TMEM62: variants seen among roughly 807,000 people sequenced by gnomAD.
TMEM62 encodes the protein transmembrane protein 62.
In TMEM62, 41 loss-of-function variants were observed where a neutral mutation model predicts 70.4. The observed-to-expected ratio is 0.58, with a 90% CI of 0.45 to 0.76. The LOEUF (loss-of-function observed/expected upper bound fraction) is 0.76. Among genes scored for constraint, TMEM62 ranks in the 30% least tolerant of loss-of-function variants. TMEM62 has a pLI of 0.00. For synonymous variants in TMEM62, 268 were observed against 291.0 expected (o/e 0.92, Z 0.80); for missense variants, 688 against 788.5 (o/e 0.87, Z 1.53).
At chr15:43,158,818 T>G (rs2038333851) in intron 9 of TMEM62, among the ~76,000 whole-genome samples, 1 of 152,224 alleles carries the variant, frequency 6.6e-6, no homozygotes, top group South Asian at 2.1e-4. Flanking sequence ...CTTTAGTATC[T>G]GCCAAAGGTG....
chr15:43,161,649 G>C (rs1251110848), intron 10 of TMEM62, among the ~76,000 whole-genome samples: 1 of 151,792 alleles, frequency 6.6e-6, no homozygotes, highest in Non-Finnish European at 1.5e-5. Context: ...TATTTTGTTT[G>C]TTTGCTTGTT....
chr15:43,184,334 C>T lies in TMEM62; in HGVS notation c.1680C>T (p.Phe560=). The T allele has an allele frequency of 6.2e-7, 1 of 1,614,198 alleles. No individual in the cohort carries two copies. Among genetic ancestry groups the T allele is most frequent in the Non-Finnish European group, 8.5e-7 (1 of 1,180,036 alleles). Residue 560 remains phenylalanine, a synonymous_variant, in exon 14 of 14, where the codon TTC becomes TTT. Coordinates refer to ENST00000260403, the MANE Select transcript of TMEM62 (RefSeq NM_024956.4). The part of the protein sequence containing the change: ...SLLQRCFGHN[F]RSHLHQRKYL... Reference sequence around the variant, plus strand: ...TGCAGCGGTGCTTTGGTCACAACTTCAGGTCTCATCTCCATCAAAGAAAAT... The same window carrying T: ...TGCAGCGGTGCTTTGGTCACAACTTTAGGTCTCATCTCCATCAAAGAAAAT...
intron 3 of TMEM62, 26 bp from the exon 4 acceptor site, chr15:43,138,548 T>G: frequency 6.6e-7 from 1 of 1,520,160 alleles, no homozygotes; most frequent in South Asian, 1.2e-5. Context: ...GGATGAATGT[T>G]TGCTTTTTTT....
chr15:43,134,374 G>A lies in TMEM62; in HGVS notation c.292+6G>A. Reference sequence around the variant, plus strand: ...AGCTCTCGTCCTAGCAACAGGTAGGGAGGCTTGCCGTGCTGTGGTGGTGGT... The same window carrying A: ...AGCTCTCGTCCTAGCAACAGGTAGGAAGGCTTGCCGTGCTGTGGTGGTGGT... On this transcript the variant is annotated splice_donor_region_variant and intron_variant, in intron 2 of 13. Coordinates refer to ENST00000260403, the MANE Select transcript of TMEM62 (RefSeq NM_024956.4). 1 of 1,604,030 alleles carries A rather than the reference G, an allele frequency of 6.2e-7. No individual in the cohort carries two copies. Among genetic ancestry groups the A allele is most frequent in the Non-Finnish European group, 8.5e-7 (1 of 1,171,262 alleles).
intron 2 of TMEM62, 72 bp downstream of exon 2, chr15:43,134,440 T>G: frequency 3.1e-6 from 4 of 1,292,012 alleles, no homozygotes; most frequent in African/African-American, 1.5e-5. Flanking sequence ...GGCTGTGGCT[T>G]TTCATTTTGG....
chr15:43,164,384 T>A (rs924512202), intron 10 of TMEM62, among the ~76,000 whole-genome samples: 4 of 152,196 alleles, frequency 2.6e-5, no homozygotes, highest in African/African-American at 9.6e-5. Flanking sequence ...CAGAGTATTC[T>A]ATATTAGGCT....
intron 3 of TMEM62, 89 bp downstream of exon 3, chr15:43,135,738 A>G (rs1300986764): frequency 2.1e-6 from 3 of 1,431,036 alleles, no homozygotes; most frequent in South Asian, 3.0e-5. Context: ...GTAAAATTAT[A>G]AAGTGGGACA....
At chr15:43,173,466 C>T (rs765558044) in intron 11 of TMEM62, among the ~76,000 whole-genome samples, 1 of 152,228 alleles carries the variant, frequency 6.6e-6, no homozygotes, top group Non-Finnish European at 1.5e-5. Context: ...CTGCAAGACA[C>T]TAAAAATCTT....
chr15:43,135,595 A>C lies in TMEM62; in HGVS notation c.376A>C (p.Lys126Gln). 6.2e-7 allele frequency: 1 copy of C among 1,610,064 alleles called. No homozygotes were observed. The highest frequency in any genetic ancestry group is 8.5e-7 in the Non-Finnish European group (1 of 1,179,206). Residue 126 changes from lysine (K) to glutamine (Q), a missense_variant, in exon 3 of 14, where the codon AAG (lysine) becomes CAG (glutamine). Transcript: ENST00000260403. Reference sequence around the variant, plus strand: ...ATGGCAAACCTACCAGGGTATTCTGAAGAAGACAAGAGTCATGGAAAAAAC... The same window carrying C: ...ATGGCAAACCTACCAGGGTATTCTGCAGAAGACAAGAGTCATGGAAAAAAC... Reference protein sequence around the residue: ...VEWQTYQGILKKTRVMEKTKW... With the variant: ...VEWQTYQGILQKTRVMEKTKW...
chr15:43,151,753 A>C (rs763912116), intron 7 of TMEM62, 37 bp from the exon 8 acceptor site: 1 of 1,597,876 alleles, frequency 6.3e-7, no homozygotes, highest in South Asian at 1.1e-5. Flanking sequence ...TTACAATGTG[A>C]AGTGACTAAA....
chr15:43,181,115 C>A, intron 12 of TMEM62, 66 bp from the exon 13 acceptor site: 2 of 1,010,292 alleles, frequency 2.0e-6, no homozygotes, highest in Non-Finnish European at 3.1e-6. Context: ...AAATGTATCT[C>A]ATGATATATG....
At chr15:43,160,218 C>G (rs2038526983) in intron 9 of TMEM62, 2 of 152,210 alleles carry the variant, frequency 1.3e-5, no homozygotes, top group Non-Finnish European at 2.9e-5. Context: ...ATCCACCTGC[C>G]TTGGCCTCCC....
intron 10 of TMEM62, among the ~76,000 whole-genome samples, chr15:43,166,951 C>T (rs1038633955): frequency 3.7e-4 from 57 of 152,254 alleles, no homozygotes; most frequent in African/African-American, 1.3e-3. Context: ...TACACAGACA[C>T]GGCAACCATC....
intron 3 of TMEM62, among the ~76,000 whole-genome samples, chr15:43,137,420 A>G (rs2035379109): frequency 6.6e-6 from 1 of 152,250 alleles, no homozygotes; most frequent in South Asian, 2.1e-4. Context: ...AAGTTTCTAG[A>G]TAATCTGAAT....
At chr15:43,183,467 A>C (rs1282376438) in intron 13 of TMEM62, among the ~76,000 whole-genome samples, 1 of 152,192 alleles carries the variant, frequency 6.6e-6, no homozygotes, top group East Asian at 1.9e-4. Context: ...ACTTCCTTAA[A>C]GAGGCCAAGA....
intron 9 of TMEM62, among the ~76,000 whole-genome samples, chr15:43,159,089 T>A (rs183535904): frequency 1.1e-4 from 16 of 152,256 alleles, no homozygotes; most frequent in Admixed American, 2.6e-4. Context: ...TTTAAAAAAA[T>A]TTTTTTTAAA....
chr15:43,140,216 G>A (rs138025526), intron 4 of TMEM62, among the ~76,000 whole-genome samples: 20 of 152,314 alleles, frequency 1.3e-4, no homozygotes, highest in African/African-American at 4.6e-4. Flanking sequence ...GGGGAGCTGC[G>A]TACTGTTCAA....
intron 10 of TMEM62, among the ~76,000 whole-genome samples, chr15:43,164,320 C>T (rs1021281348): frequency 2.0e-5 from 3 of 152,014 alleles, no homozygotes; most frequent in Non-Finnish European, 4.4e-5. Context: ...ATAGGTTTAT[C>T]TTTTAGTCTT....
chr15:43,142,022 A>G (rs569433167), intron 4 of TMEM62, among the ~76,000 whole-genome samples: 4 of 152,352 alleles, frequency 2.6e-5, no homozygotes, highest in African/African-American at 9.6e-5. Flanking sequence ...CCTTCTAAAT[A>G]TGGTGTGAAC....
Sources: allele counts gnomAD v4.1 joint callset (sites outside exome capture counted in the v4.1 genomes callset), GRCh38; gene constraint gnomAD v4.1.1; transcripts MANE v1.5; gene names NCBI Gene and HGNC (gene_info 2026-07-23, HGNC 2026-07-21).